The following RORA variants were observed in gnomAD, a reference collection of about 807,000 sequenced individuals.
RORA encodes RAR related orphan receptor A, also known as nuclear receptor ROR-alpha.
RORA carries 7 observed loss-of-function variants against 69.5 expected under a neutral mutation model. The ratio of observed to expected loss-of-function variants is 0.10; its 90% CI spans 0.06 to 0.19. The LOEUF is 0.19. RORA is among the 10% of genes least tolerant of loss of function. The pLI, the probability that RORA is intolerant of heterozygous loss-of-function variation, is 1.00. For missense variants in RORA, 457 were observed against 663.0 expected, an observed-to-expected ratio of 0.69 and a Z score of 3.41; for synonymous variants, 261 against 240.8, an observed-to-expected ratio of 1.08 and a Z score of -0.78.
chr15:61,140,728 T>C (rs2079289896), intron 1 of RORA, among the ~76,000 whole-genome samples: 2 of 152,098 alleles, frequency 1.3e-5, no homozygotes, highest in South Asian at 2.1e-4. Flanking sequence ...ACAGCAGTTT[T>C]ATCAGGGGTC....
chr15:60,674,194 A>G (rs990176530), intron 2 of RORA, among the ~76,000 whole-genome samples: 1 of 152,210 alleles, frequency 6.6e-6, no homozygotes, highest in South Asian at 2.1e-4. Context: ...AGCTTTGCCA[A>G]GAATGGTTCC....
Position 60,724,693 on chromosome 15 carries a change from G to A in RORA, c.167-46007C>T, listed in dbSNP as rs114101205. On this transcript the variant is annotated intron_variant, in intron 1 of 10. Transcript: ENST00000335670. ...CATATCTGAGTACTGTGTCTCTGGA[G>A]GGCGAGCTCCTTAAGAAAAGAGTGG... 5.7e-3 allele frequency among the ~76,000 whole-genome samples: 862 copies of A among 152,274 alleles called. 7 individuals carry two copies. Among genetic ancestry groups the A allele is most frequent in the African/African-American group, 0.019 (809 of 41,540 alleles).
intron 1 of RORA, among the ~76,000 whole-genome samples, chr15:61,117,595 T>C (rs529805397): frequency 2.6e-5 from 4 of 152,342 alleles, no homozygotes; most frequent in Non-Finnish European, 5.9e-5. Flanking sequence ...TTATACTCTA[T>C]AGAATTGTTT....
intron 1 of RORA, among the ~76,000 whole-genome samples, chr15:60,788,436 G>C (rs1445510473): frequency 6.6e-6 from 1 of 152,168 alleles, no homozygotes; most frequent in Non-Finnish European, 1.5e-5. Flanking sequence ...GGGAAGTTAA[G>C]GGTTCCAAAC....
chr15:60,521,667 T>G (rs2066171341), intron 3 of RORA, among the ~76,000 whole-genome samples: 1 of 152,364 alleles, frequency 6.6e-6, no homozygotes, highest in South Asian at 2.1e-4. Flanking sequence ...GTTTAGAATG[T>G]TAAATGACTT....
At chr15:60,695,083 T>C (rs2140781003) in intron 1 of RORA, among the ~76,000 whole-genome samples, 1 of 152,254 alleles carries the variant, frequency 6.6e-6, no homozygotes, top group Non-Finnish European at 1.5e-5. Flanking sequence ...GACAAGATAG[T>C]AATGATCCCT....
intron 3 of RORA, among the ~76,000 whole-genome samples, chr15:60,518,777 C>T (rs970987412): frequency 6.6e-6 from 1 of 152,206 alleles, no homozygotes; most frequent in African/African-American, 2.4e-5. Flanking sequence ...GCAGTGTTTC[C>T]CCACATCCCT....
intron 1 of RORA, among the ~76,000 whole-genome samples, chr15:60,949,775 C>G (rs976439184): frequency 3.9e-5 from 6 of 152,302 alleles, no homozygotes; most frequent in African/African-American, 1.4e-4. Context: ...TCTTTATCTG[C>G]ACTTGGTTTA....
intron 2 of RORA, among the ~76,000 whole-genome samples, chr15:60,621,216 T>A (rs339993): frequency 0.33 from 49,743 of 150,944 alleles, 8,673 homozygotes; most frequent in East Asian, 0.45. Flanking sequence ...ATATATATAT[T>A]TTTTAAGAAA....
chr15:60,962,185 C>G (rs1338467608), intron 1 of RORA, among the ~76,000 whole-genome samples: 1 of 152,188 alleles, frequency 6.6e-6, no homozygotes, highest in Non-Finnish European at 1.5e-5. Flanking sequence ...ATTATATTCC[C>G]AGCACCTCCA....
intron 2 of RORA, among the ~76,000 whole-genome samples, chr15:60,569,362 C>T (rs1469882439): frequency 6.6e-6 from 1 of 151,582 alleles, no homozygotes; most frequent in Non-Finnish European, 1.5e-5. Context: ...CTAGGAGTTC[C>T]AGGTTACAGT....
chr15:60,786,575 G>C (rs2072337093), intron 1 of RORA, among the ~76,000 whole-genome samples: 1 of 152,216 alleles, frequency 6.6e-6, no homozygotes, highest in South Asian at 2.1e-4. Context: ...TCTGCCACCA[G>C]GGCCAGCCAG....
chr15:60,741,117 A>G (rs2071570259), intron 1 of RORA, among the ~76,000 whole-genome samples: 1 of 152,192 alleles, frequency 6.6e-6, no homozygotes, highest in South Asian at 2.1e-4. Context: ...AATCCTCTCC[A>G]AATGCTTCAA....
At chr15:60,637,997 T>A (rs2069870566) in intron 2 of RORA, among the ~76,000 whole-genome samples, 1 of 152,142 alleles carries the variant, frequency 6.6e-6, no homozygotes, top group South Asian at 2.1e-4. Context: ...CTATAAAGGG[T>A]GGGGTTCATG....
At chr15:60,620,182 A>G (rs2069367227) in intron 2 of RORA, among the ~76,000 whole-genome samples, 1 of 152,260 alleles carries the variant, frequency 6.6e-6, no homozygotes, top group South Asian at 2.1e-4. Context: ...GTATTAATGC[A>G]TATTTACAGA....
intron 2 of RORA, among the ~76,000 whole-genome samples, chr15:60,591,685 C>A (rs1022747491): frequency 1.1e-4 from 17 of 152,310 alleles, no homozygotes; most frequent in African/African-American, 3.6e-4. Flanking sequence ...CATCCACCAG[C>A]CAAAGTGTCA....
intron 1 of RORA, among the ~76,000 whole-genome samples, chr15:60,951,162 A>C (rs1199829866): frequency 2.0e-5 from 3 of 152,214 alleles, no homozygotes; most frequent in Admixed American, 6.5e-5. Flanking sequence ...ACTACATGGA[A>C]ACTGAACAAC....
In RORA at chr15:60,947,265, G is replaced by C. The variant is rs925575661; in HGVS notation, c.167-268579C>G. ...GTCGAATAGAAAAGGGGGAAATGTG[G>C]GGAAAAGATAGAGAAATCAGATTGT... On this transcript the variant is annotated intron_variant, in intron 1 of 10. Coordinates refer to ENST00000335670, the MANE Select transcript of RORA (RefSeq NM_134261.3). 9.2e-5 allele frequency among the ~76,000 whole-genome samples: 14 copies of C among 152,360 alleles called. No homozygotes were observed. The East Asian group carries it at 2.3e-3, about 25-fold the overall frequency.
intron 1 of RORA, among the ~76,000 whole-genome samples, chr15:60,925,828 A>G (rs928224866): frequency 2.6e-5 from 4 of 152,210 alleles, no homozygotes; most frequent in Non-Finnish European, 4.4e-5. Context: ...TGCCTGTAAT[A>G]ATGCAGGTAC....
Sources: gnomAD v4.1 joint callset for allele counts (sites outside exome capture counted in the v4.1 genomes callset) on GRCh38, gnomAD v4.1.1 for gene constraint, MANE v1.5 for transcripts, NCBI Gene and HGNC (gene_info 2026-07-23, HGNC 2026-07-21) for gene names.